The following PPARG variants were observed in gnomAD, a reference collection of about 807,000 sequenced individuals.
PPARG encodes peroxisome proliferator-activated receptor gamma.
A neutral mutation model predicts 39.2 loss-of-function variants in PPARG; 17 were observed. The ratio of observed to expected loss-of-function variants is 0.43; its 90% confidence interval spans 0.30 to 0.65. The LOEUF is 0.65. Ranked by LOEUF, PPARG falls within the 30% of genes least tolerant of loss-of-function variation. The pLI is 0.13. For synonymous variants in PPARG, 223 were observed against 215.7 expected (o/e 1.03, Z -0.30); for missense variants, 406 against 585.9 (o/e 0.69, Z 3.17).
chr3:12,337,503 T>A (rs778658556), intron 2 of PPARG, among the ~76,000 whole-genome samples: 9 of 152,210 alleles, frequency 5.9e-5, no homozygotes, highest in Non-Finnish European at 1.3e-4. Context: ...CTTTTAACAC[T>A]TAAAATTCAT....
chr3:12,302,582 A>T (rs1357610227), intron 1 of PPARG, among the ~76,000 whole-genome samples: 2 of 152,244 alleles, frequency 1.3e-5, no homozygotes, highest in Admixed American at 1.3e-4. Context: ...TTTCCAGTAT[A>T]AGAAAACAAA....
At chr3:12,299,010 A>AT (rs2046861967) in intron 1 of PPARG, among the ~76,000 whole-genome samples, 1 of 151,550 alleles carries the variant, frequency 6.6e-6, no homozygotes, top group Non-Finnish European at 1.5e-5. Flanking sequence ...TAATTTTTAT[A>AT]TTTTTTGTAG....
chr3:12,305,288 T>A (rs1387458928), intron 1 of PPARG, among the ~76,000 whole-genome samples: 1 of 152,118 alleles, frequency 6.6e-6, no homozygotes, highest in Admixed American at 6.6e-5. Flanking sequence ...CAAATAGGGA[T>A]TTTTTATTCT....
chr3:12,394,407 G>A (rs1387556649), intron 5 of PPARG, among the ~76,000 whole-genome samples: 1 of 152,002 alleles, frequency 6.6e-6, no homozygotes, highest in East Asian at 1.9e-4. Context: ...TTGTTTATAG[G>A]CAAATATTAT....
chr3:12,365,412 G>A (rs985399242), intron 2 of PPARG, among the ~76,000 whole-genome samples: 3 of 152,012 alleles, frequency 2.0e-5, no homozygotes, highest in African/African-American at 7.2e-5. Context: ...GTTATTTCAT[G>A]GTTCATGTCT....
At chr3:12,329,645 A>T (rs1342586600) in intron 2 of PPARG, among the ~76,000 whole-genome samples, 1 of 152,192 alleles carries the variant, frequency 6.6e-6, no homozygotes, top group Admixed American at 6.5e-5. Context: ...AATATATTTA[A>T]GATAAAATTT....
chr3:12,327,093 T>G lies in PPARG; in HGVS notation c.-9+14640T>G, dbSNP rs113431933. On this transcript the variant is annotated intron_variant, in intron 2 of 7. Transcript: ENST00000651735. ...ACTGTGATATATTTGGGAGTTACCT[T>G]GAAAGAGATTATCTTGTAATTTAAA... 4.1e-3 allele frequency among the ~76,000 whole-genome samples: 630 copies of G among 152,354 alleles called. 2 individuals are homozygous for G. Among genetic ancestry groups the G allele is most frequent in the Non-Finnish European group, 5.6e-3 (384 of 68,026 alleles).
At chr3:12,294,820 G>C (rs2046736929) in intron 1 of PPARG, among the ~76,000 whole-genome samples, 1 of 152,170 alleles carries the variant, frequency 6.6e-6, no homozygotes, top group Non-Finnish European at 1.5e-5. Context: ...TTGAACCCGG[G>C]AGGCAGAGGT....
chr3:12,407,298 T>C (rs1398187906), intron 6 of PPARG, among the ~76,000 whole-genome samples: 1 of 152,144 alleles, frequency 6.6e-6, no homozygotes, highest in Non-Finnish European at 1.5e-5. Context: ...GTAGCTGGGA[T>C]TGCAGGCGCA....
chr3:12,387,669 C>A (rs1256422523), intron 4 of PPARG, among the ~76,000 whole-genome samples: 1 of 152,080 alleles, frequency 6.6e-6, no homozygotes, highest in Non-Finnish European at 1.5e-5. Flanking sequence ...CTGTAGGTTG[C>A]CTGTTCACTC....
chr3:12,391,236 A>G (rs1256349732), intron 4 of PPARG, among the ~76,000 whole-genome samples: 5 of 152,200 alleles, frequency 3.3e-5, no homozygotes, highest in Non-Finnish European at 7.3e-5. Context: ...TATAATTTTA[A>G]TTGAGCAGTG....
intron 2 of PPARG, among the ~76,000 whole-genome samples, chr3:12,371,194 G>A (rs1458568730): frequency 2.0e-5 from 3 of 152,104 alleles, no homozygotes; most frequent in Non-Finnish European, 4.4e-5. Flanking sequence ...AACTCTAGGA[G>A]GGAGACAATA....
chr3:12,351,099 A>G (rs2048472184), intron 2 of PPARG, among the ~76,000 whole-genome samples: 3 of 152,348 alleles, frequency 2.0e-5, no homozygotes, highest in South Asian at 4.1e-4. Flanking sequence ...CCAGGAATAG[A>G]CACCGAAAGA....
chr3:12,372,688 A>G (rs2049263095), intron 2 of PPARG, among the ~76,000 whole-genome samples: 1 of 152,224 alleles, frequency 6.6e-6, no homozygotes, highest in Non-Finnish European at 1.5e-5. Flanking sequence ...CAATTTTACA[A>G]TTTAGCATCT....
chr3:12,364,810 T>C lies in PPARG; in HGVS notation c.-8-14894T>C, dbSNP rs192735586. Among the ~76,000 whole-genome samples, 3 of 152,362 alleles carry C rather than the reference T, an allele frequency of 2.0e-5. No homozygotes were observed. In the East Asian group the frequency reaches 5.8e-4, roughly 29 times the overall value. On this transcript the variant is annotated intron_variant, in intron 2 of 7. Transcript: ENST00000651735. The stretch of plus-strand genomic sequence containing the variant: ...ATATGATGTTGAAGATCTTTTCACA[T>C]GTTCACATGCCATCTATATATCTTC...
chr3:12,313,225 A>G (rs1192061306), intron 2 of PPARG, among the ~76,000 whole-genome samples: 3 of 152,172 alleles, frequency 2.0e-5, no homozygotes, highest in African/African-American at 7.2e-5. Flanking sequence ...TGAATAAAGA[A>G]TCATCAGATA....
intron 2 of PPARG, among the ~76,000 whole-genome samples, chr3:12,371,247 C>A (rs1334616439): frequency 6.6e-6 from 1 of 152,150 alleles, no homozygotes; most frequent in Non-Finnish European, 1.5e-5. Context: ...GAGATACGAA[C>A]TTCCAGCAAT....
intron 2 of PPARG, among the ~76,000 whole-genome samples, chr3:12,356,060 G>A (rs2048653656): frequency 6.6e-6 from 1 of 152,188 alleles, no homozygotes; most frequent in South Asian, 2.1e-4. Context: ...GTGATACAGA[G>A]CTTCTGTCCT....
At chr3:12,361,543 G>A (rs1325608303) in intron 2 of PPARG, among the ~76,000 whole-genome samples, 1 of 152,164 alleles carries the variant, frequency 6.6e-6, no homozygotes, top group Non-Finnish European at 1.5e-5. Context: ...TAAGGCAAGG[G>A]TTTATCTCTT....
Sources: gnomAD v4.1 joint callset for allele counts (sites outside exome capture counted in the v4.1 genomes callset) on GRCh38, gnomAD v4.1.1 for gene constraint, MANE v1.5 for transcripts, NCBI Gene and HGNC (gene_info 2026-07-23, HGNC 2026-07-21) for gene names.